PPHLN1: variants seen among roughly 807,000 people sequenced by gnomAD.
PPHLN1 encodes periphilin-1.
A neutral mutation model predicts 51.3 loss-of-function variants in PPHLN1; 29 were observed. The observed-to-expected ratio is 0.57, with a 90% CI of 0.42 to 0.77. The LOEUF is 0.77. PPHLN1 is among the 30% of genes least tolerant of loss of function. The pLI, the probability that PPHLN1 is intolerant of heterozygous loss-of-function variation, is 0.00. For missense variants in PPHLN1, 436 were observed against 438.4 expected, an observed-to-expected ratio of 0.99 and a Z score of 0.05; for synonymous variants, 147 against 147.8, an observed-to-expected ratio of 0.99 and a Z score of 0.04.
At chr12:42,417,464 C>T (rs562873947) in intron 9 of PPHLN1, among the ~76,000 whole-genome samples, 2 of 152,100 alleles carry the variant, frequency 1.3e-5, no homozygotes, top group South Asian at 2.1e-4. Context: ...CTGAATTGGG[C>T]GTGCAAAGGG....
intron 1 of PPHLN1, among the ~76,000 whole-genome samples, chr12:42,335,621 T>C (rs1018570686): frequency 2.0e-5 from 3 of 151,876 alleles, no homozygotes; most frequent in African/African-American, 7.2e-5. Flanking sequence ...CCTCCCATAA[T>C]TGATGGCAAC....
intron 9 of PPHLN1, 142 bp downstream of exon 9, chr12:42,399,136 G>C: frequency 2.1e-6 from 3 of 1,420,660 alleles, no homozygotes; most frequent in Non-Finnish European, 2.8e-6. Context: ...AAAATTGTTT[G>C]AGTTGACTTC....
At chr12:42,442,500 T>A, downstream of PPHLN1, 3 of 1,207,096 alleles carry the variant, frequency 2.5e-6, no homozygotes, top group Non-Finnish European at 3.5e-6. Context: ...TGGCGTTCTG[T>A]CTGTACCGAA....
chr12:42,353,049 A>G (rs1041600442), intron 3 of PPHLN1, among the ~76,000 whole-genome samples: 4 of 151,940 alleles, frequency 2.6e-5, no homozygotes, highest in Non-Finnish European at 5.9e-5. Flanking sequence ...AGATCGCGCC[A>G]CTGCACTCCA....
chr12:42,388,604 C>T (rs1465171235), intron 7 of PPHLN1, among the ~76,000 whole-genome samples: 1 of 152,018 alleles, frequency 6.6e-6, no homozygotes, highest in Non-Finnish European at 1.5e-5. Flanking sequence ...CCCCTGGGCC[C>T]ACTTTTCTTT....
At chr12:42,402,928 T>C (rs952527895) in intron 9 of PPHLN1, among the ~76,000 whole-genome samples, 1 of 152,234 alleles carries the variant, frequency 6.6e-6, no homozygotes, top group Non-Finnish European at 1.5e-5. Flanking sequence ...TCACTAGCTC[T>C]TGCTGTTTCT....
intron 5 of PPHLN1, chr12:42,375,319 T>TTG: frequency 1.3e-5 from 4 of 304,504 alleles, no homozygotes; most frequent in Non-Finnish European, 2.4e-5. Flanking sequence ...TAAAAGGTTT[T>TTG]TTTTTTTTTT....
At chr12:42,391,234 T>C (rs1239746411) in intron 7 of PPHLN1, among the ~76,000 whole-genome samples, 1 of 152,136 alleles carries the variant, frequency 6.6e-6, no homozygotes, top group African/African-American at 2.4e-5. Context: ...TAGTAGGCTT[T>C]TGCTTCATTC....
chr12:42,447,799 T>C (rs1355192601), downstream of PPHLN1: 1 of 152,242 alleles, frequency 6.6e-6, no homozygotes, highest in East Asian at 1.9e-4. Flanking sequence ...GATTCTATAA[T>C]GGGTGCCTCA....
At chr12:42,437,482 C>A (rs1332228701) in intron 9 of PPHLN1, among the ~76,000 whole-genome samples, 1 of 151,850 alleles carries the variant, frequency 6.6e-6, no homozygotes, top group African/African-American at 2.4e-5. Context: ...ACCTTTTTTT[C>A]TTTTTTCACT....
chr12:42,370,059 G>A (rs2075656069), intron 4 of PPHLN1, among the ~76,000 whole-genome samples: 1 of 152,194 alleles, frequency 6.6e-6, no homozygotes, highest in Non-Finnish European at 1.5e-5. Context: ...CCGTTATCAT[G>A]AACTCTGAAT....
intron 2 of PPHLN1, among the ~76,000 whole-genome samples, chr12:42,341,169 G>A (rs1454120523): frequency 2.6e-5 from 4 of 151,902 alleles, no homozygotes; most frequent in Non-Finnish European, 4.4e-5. Context: ...TTTTAGTAGA[G>A]GTGGGGTTTT....
At chr12:42,348,301 T>TTTTTTTTC (rs1351410831) in intron 2 of PPHLN1, among the ~76,000 whole-genome samples, 1 of 131,398 alleles carries the variant, frequency 7.6e-6, no homozygotes, top group African/African-American at 2.8e-5. Context: ...TTTTTTTTTT[T>TTTTTTTTC]AGTAGAAACG....
chr12:42,329,162 C>T (rs1019782776), intron 1 of PPHLN1, among the ~76,000 whole-genome samples: 1 of 149,240 alleles, frequency 6.7e-6, no homozygotes, highest in Non-Finnish European at 1.5e-5. Context: ...AGTGCAGTGG[C>T]GCGATCTTGG....
intron 9 of PPHLN1, among the ~76,000 whole-genome samples, chr12:42,405,822 C>T (rs1482288878): frequency 6.6e-6 from 1 of 152,032 alleles, no homozygotes; most frequent in Non-Finnish European, 1.5e-5. Context: ...GTTAGCCATG[C>T]TAAACTCTGC....
At position 42,441,968 on chromosome 12, in the gene PPHLN1, C is replaced by T. The variant is rs2083004043; in HGVS notation, c.*459C>T. 2 of 961,768 alleles carry T rather than the reference C, an allele frequency of 2.1e-6. No individual in the cohort carries two copies. The highest frequency in any genetic ancestry group is 1.2e-6 in the Non-Finnish European group (1 of 808,372). The allele number at this position is 961,768 out of a possible 1,614,324, so 59.6% of individuals were successfully genotyped here. A position where few individuals can be genotyped will look rare whatever the true frequency, so the allele number is the denominator to read the frequency against. ...ACTTTGGTATCTTAGAGAATATTTG[C>T]TTTGAGAGTAATTCTCATTCAATGA... On this transcript the variant is annotated 3_prime_UTR_variant, in exon 10 of 10. Coordinates refer to ENST00000358314, the MANE Select transcript of PPHLN1 (RefSeq NM_201439.2).
intron 4 of PPHLN1, among the ~76,000 whole-genome samples, chr12:42,362,874 G>A (rs1651011088): frequency 6.6e-6 from 1 of 152,200 alleles, no homozygotes; most frequent in South Asian, 2.1e-4. Flanking sequence ...AGTTCTCAGA[G>A]ATGTGTTTGT....
rs544586940 is a variant in PPHLN1, at chr12:42,334,860, C to T, written c.-20-1023C>T. ...AAGTTGTGAAGCTACTGCCTGCAAG[C>T]GCTAGCCTGTTTTTGTAAATCCAGT... On this transcript the variant is annotated intron_variant, in intron 1 of 9. Coordinates refer to ENST00000358314, the MANE Select transcript of PPHLN1 (RefSeq NM_201439.2). Among the ~76,000 whole-genome samples the T allele has an allele frequency of 1.8e-4, 27 of 152,304 alleles. No individual in the cohort carries two copies. The South Asian group carries it at 5.0e-3, about 28-fold the overall frequency.
intron 9 of PPHLN1, among the ~76,000 whole-genome samples, chr12:42,415,123 T>A (rs1486258926): frequency 6.6e-6 from 1 of 152,222 alleles, no homozygotes; most frequent in African/African-American, 2.4e-5. Context: ...CGACTGCATG[T>A]CTTTACTTAA....
Sources: allele counts gnomAD v4.1 joint callset (sites outside exome capture counted in the v4.1 genomes callset), GRCh38; gene constraint gnomAD v4.1.1; transcripts MANE v1.5; gene names NCBI Gene and HGNC (gene_info 2026-07-23, HGNC 2026-07-21).